Variants in COG5 observed in about 807,000 individuals in gnomAD.
COG5 encodes the protein conserved oligomeric Golgi complex subunit 5.
Under a neutral mutation model 110.4 loss-of-function variants are expected in COG5, and 86 were observed. The observed-to-expected ratio is 0.78, with a 90% confidence interval of 0.65 to 0.93. The LOEUF is 0.93. COG5 is among the 40% of genes least tolerant of loss of function. COG5 has a pLI of 0.00. For synonymous variants in COG5, 360 were observed against 334.6 expected (o/e 1.08, Z -0.83); for missense variants, 1,077 against 987.0 (o/e 1.09, Z -1.22).
chr7:107,406,058 G>C (rs540845314), intron 7 of COG5, among the ~76,000 whole-genome samples: 2 of 152,296 alleles, frequency 1.3e-5, no homozygotes, highest in Non-Finnish European at 2.9e-5. Flanking sequence ...GACTAACAGA[G>C]GAGCCAAATT....
intron 14 of COG5, among the ~76,000 whole-genome samples, chr7:107,270,313 G>A (rs1253224379): frequency 6.7e-6 from 1 of 149,546 alleles, no homozygotes; most frequent in Non-Finnish European, 1.5e-5. Context: ...CGGCTGGAGT[G>A]CAGTGGCCAT....
Position 107,215,854 on chromosome 7 carries a change from C to T in COG5, c.2169-4629G>A, listed in dbSNP as rs900883042. 2.3e-4 allele frequency among the ~76,000 whole-genome samples: 35 copies of T among 151,648 alleles called. 1 individual carries two copies. Among genetic ancestry groups the T allele is most frequent in the South Asian group, 1.3e-3 (6 of 4,794 alleles). ...CCTACGGAGTAGCTGGGACTAGAGGCGCCTGCCACCACACCTGGCTAATTT... is the reference window on the plus strand; with the variant it reads ...CCTACGGAGTAGCTGGGACTAGAGGTGCCTGCCACCACACCTGGCTAATTT... On this transcript the variant is annotated intron_variant, in intron 19 of 21. Coordinates refer to ENST00000297135, the MANE Select transcript of COG5 (RefSeq NM_006348.5).
chr7:107,429,444 T>G lies in COG5; in HGVS notation c.539-16812A>C, dbSNP rs372254390. ...ATCTTCTCTGGAGAAACGCCTATAT[T>G]CAAGTCTTTGCCCAGTTTTTTTTTT... is the stretch of plus-strand genomic sequence containing the variant. On this transcript the variant is annotated intron_variant, in intron 6 of 21. Transcript: ENST00000297135. Among the ~76,000 whole-genome samples the G allele has an allele frequency of 3.9e-5, 6 of 151,972 alleles. No individual in the cohort carries two copies. In the East Asian group the frequency reaches 7.7e-4, roughly 20 times the overall value.
chr7:107,433,146 CAT>C (rs1406791606), intron 6 of COG5, among the ~76,000 whole-genome samples: 2 of 152,060 alleles, frequency 1.3e-5, no homozygotes, highest in Non-Finnish European at 2.9e-5. Flanking sequence ...AGGCAAAAGA[CAT>C]GTATTCTGAA....
At position 107,230,685 on chromosome 7, in the gene COG5, A is replaced by C. The variant is rs757640217; in HGVS notation, c.2098T>G (p.Leu700Val). 1.9e-6 allele frequency: 3 copies of C among 1,608,770 alleles called. No homozygotes were observed. The East Asian group carries it at 6.7e-5, about 36-fold the overall frequency. Reference protein sequence around the residue: ...RLAADFAQMELAVGPFCRRVS... With the variant: ...RLAADFAQMEVAVGPFCRRVS... ...CGTCTACAGAATGGACCCACAGCCA[A>C]CTCCATCTGAAATATTAAAATATAC... Residue 700 changes from leucine to valine, a missense_variant, in exon 19 of 22, where the codon TTG (leucine) becomes GTG (valine). Physicochemically the swap from Leu to Val is conservative, Grantham distance 32. Coordinates refer to ENST00000297135, the MANE Select transcript of COG5 (RefSeq NM_006348.5).
At chr7:107,388,820 C>T (rs575199486) in intron 7 of COG5, among the ~76,000 whole-genome samples, 5 of 152,180 alleles carry the variant, frequency 3.3e-5, no homozygotes, top group East Asian at 3.9e-4. Context: ...CACACCATGG[C>T]GTGCCTAGGA....
intron 7 of COG5, among the ~76,000 whole-genome samples, chr7:107,386,819 C>T (rs1434996282): frequency 6.6e-6 from 1 of 152,128 alleles, no homozygotes; most frequent in African/African-American, 2.4e-5. Flanking sequence ...GTCCCAGCAT[C>T]ATCTTTAATG....
chr7:107,287,478 A>G (rs565980733), intron 12 of COG5, among the ~76,000 whole-genome samples: 52 of 152,318 alleles, frequency 3.4e-4, no homozygotes, highest in South Asian at 1.0e-3. Flanking sequence ...TTTCATATAT[A>G]TAATTTACAT....
At chr7:107,436,622 T>C (rs1160074995) in intron 6 of COG5, among the ~76,000 whole-genome samples, 1 of 152,218 alleles carries the variant, frequency 6.6e-6, no homozygotes, top group Non-Finnish European at 1.5e-5. Flanking sequence ...GCATATTTTA[T>C]GACAAAAAAG....
intron 6 of COG5, among the ~76,000 whole-genome samples, chr7:107,499,543 T>C (rs918378014): frequency 1.3e-5 from 2 of 151,852 alleles, no homozygotes; most frequent in African/African-American, 4.8e-5. Flanking sequence ...GAAGCTAGGA[T>C]TAAAGGAGCA....
At chr7:107,391,978 C>T (rs571599630) in intron 7 of COG5, among the ~76,000 whole-genome samples, 1 of 152,266 alleles carries the variant, frequency 6.6e-6, no homozygotes, top group South Asian at 2.1e-4. Flanking sequence ...GTAGTCCCAG[C>T]TACTTGGGAG....
intron 8 of COG5, among the ~76,000 whole-genome samples, chr7:107,368,835 T>C (rs540162333): frequency 4.6e-5 from 7 of 152,312 alleles, no homozygotes; most frequent in South Asian, 2.1e-4. Context: ...AAAAAGCATA[T>C]AGAATAATGT....
chr7:107,539,799 T>C (rs914727725), intron 5 of COG5, among the ~76,000 whole-genome samples: 1 of 152,204 alleles, frequency 6.6e-6, no homozygotes, highest in African/African-American at 2.4e-5. Context: ...TTTTCCATTT[T>C]AAACAACTAG....
intron 3 of COG5, among the ~76,000 whole-genome samples, chr7:107,549,526 G>A (rs1399602003): frequency 6.6e-6 from 1 of 151,494 alleles, no homozygotes; most frequent in Non-Finnish European, 1.5e-5. Flanking sequence ...CGAGTGGCTG[G>A]GATTACAGGC....
intron 6 of COG5, among the ~76,000 whole-genome samples, chr7:107,463,687 A>C (rs891042587): frequency 6.6e-6 from 1 of 152,192 alleles, no homozygotes; most frequent in Non-Finnish European, 1.5e-5. Context: ...ACATATGCAC[A>C]AAAGGGACTA....
intron 5 of COG5, among the ~76,000 whole-genome samples, chr7:107,543,302 C>T (rs1802181349): frequency 6.6e-6 from 1 of 152,196 alleles, no homozygotes; most frequent in Admixed American, 6.5e-5. Context: ...TCCCCCAACA[C>T]CAGCCAGCTA....
At chr7:107,385,912 C>T (rs1331477058) in intron 7 of COG5, among the ~76,000 whole-genome samples, 2 of 150,306 alleles carry the variant, frequency 1.3e-5, no homozygotes, top group African/African-American at 4.9e-5. Context: ...CATCTTTTCA[C>T]ATGATTGCTG....
Position 107,362,288 on chromosome 7 carries a change from C to T in COG5, c.948+20G>A. The T allele has an allele frequency of 6.4e-7, 1 of 1,565,860 alleles. No individual in the cohort carries two copies. The highest frequency in any genetic ancestry group is 8.8e-7 in the Non-Finnish European group (1 of 1,136,662). ...GAGTTAATCCATATTAATGTTTTTTCCACTCCTTCAAATATTTACCTGTCC... is the reference window on the plus strand; with the variant it reads ...GAGTTAATCCATATTAATGTTTTTTTCACTCCTTCAAATATTTACCTGTCC... On this transcript the variant is annotated intron_variant, in intron 9 of 21. Coordinates refer to ENST00000297135, the MANE Select transcript of COG5 (RefSeq NM_006348.5).
At chr7:107,232,672 A>T (rs905171350) in intron 18 of COG5, among the ~76,000 whole-genome samples, 4 of 152,212 alleles carry the variant, frequency 2.6e-5, no homozygotes, top group African/African-American at 4.8e-5. Context: ...TTAAAATAAA[A>T]TTTTTTTATC....
Sources: gnomAD v4.1 joint callset for allele counts (sites outside exome capture counted in the v4.1 genomes callset) on GRCh38, gnomAD v4.1.1 for gene constraint, MANE v1.5 for transcripts, NCBI Gene and HGNC (gene_info 2026-07-23, HGNC 2026-07-21) for gene names.